The following BMX variants were observed in gnomAD, a reference collection of about 807,000 sequenced individuals.
BMX encodes cytoplasmic tyrosine-protein kinase BMX.
In BMX, 31 loss-of-function variants were observed where a neutral mutation model predicts 59.2. That is an observed-to-expected ratio of 0.52 (90% CI 0.39 to 0.71). The LOEUF is 0.71. Among genes scored for constraint, BMX ranks in the 30% least tolerant of loss-of-function variants. BMX has a pLI of 0.00. For synonymous variants in BMX, 185 were observed against 181.0 expected (o/e 1.02, Z -0.18); for missense variants, 474 against 491.7 (o/e 0.96, Z 0.34).
chrX:15,545,223 G>A (rs1362611703), intron 16 of BMX, among the ~76,000 whole-genome samples: 3 of 112,129 alleles, frequency 2.7e-5, no homozygotes, highest in Non-Finnish European at 5.6e-5. Flanking sequence ...CAGAGAGAGA[G>A]ACTGAGGCAA....
At chrX:15,552,122 A>G (rs763264222) in intron 18 of BMX, among the ~76,000 whole-genome samples, 16 of 112,242 alleles carry the variant, frequency 1.4e-4, no homozygotes, top group Non-Finnish European at 3.0e-4. Flanking sequence ...CTGTGTTATG[A>G]CTCAATATGG....
chrX:15,531,452 T>C, intron 11 of BMX, 45 bp downstream of exon 11: 1 of 1,007,133 alleles, frequency 9.9e-7, no homozygotes, highest in Non-Finnish European at 1.4e-6. Flanking sequence ...CTGCGTATAT[T>C]CTTTGAATAT....
At chrX:15,551,529 G>GTA (rs748545797) in intron 18 of BMX, among the ~76,000 whole-genome samples, 1,764 of 94,747 alleles carry the variant, frequency 0.019, 46 homozygotes, top group African/African-American at 0.062. Flanking sequence ...GTGTGTGTGT[G>GTA]TATATATATA....
rs139760120 is a variant in BMX, at chrX:15,539,990, A to G, written c.1395-1992A>G. ...GCTTTTACACTGTTGGTGGGAGTGT[A>G]AATTATTTCAACCACTGTGGAAGAC... is the stretch of plus-strand genomic sequence containing the variant. On this transcript the variant is annotated intron_variant, in intron 14 of 18. Transcript: ENST00000348343. 4.0e-3 allele frequency among the ~76,000 whole-genome samples: 445 copies of G among 112,437 alleles called. 2 individuals are homozygous for G. The highest frequency in any genetic ancestry group is 0.014 in the African/African-American group (425 of 30,964).
chrX:15,539,140 G>C (rs1925527500), intron 14 of BMX, among the ~76,000 whole-genome samples: 1 of 110,767 alleles, frequency 9.0e-6, no homozygotes, highest in Non-Finnish European at 1.9e-5. Flanking sequence ...TTGTAGGACA[G>C]GAAAATCTGG....
rs751005076 is a variant in BMX at position 15,546,849 on chromosome X, C to A, written c.1723C>A (p.Pro575Thr). The change falls in exon 17 of 19, where the codon CCA (proline) becomes ACA (threonine). Residue 575 changes from proline to threonine, a missense_variant. By Grantham distance (38) the Pro-to-Thr change is conservative. Coordinates refer to ENST00000348343, the MANE Select transcript of BMX (RefSeq NM_203281.3). ...TGTCAGTTCAGTCGGAACAAAGTTTCCAGTCAAGTGGTCAGCTCCAGAGGT... is the reference window on the plus strand; with the variant it reads ...TGTCAGTTCAGTCGGAACAAAGTTTACAGTCAAGTGGTCAGCTCCAGAGGT... ...QYVSSVGTKF[P>T]VKWSAPEVFH... 3.3e-6 allele frequency: 4 copies of A among 1,210,932 alleles called. No homozygotes were observed. In the Admixed American group the frequency reaches 8.7e-5, roughly 26 times the overall value.
chrX:15,527,247 AATATATATATATATATATATATAT>A (rs34046926), intron 9 of BMX, among the ~76,000 whole-genome samples: 12 of 56,362 alleles, frequency 2.1e-4, no homozygotes, highest in Non-Finnish European at 3.2e-4. Context: ...CACACACACA[AATATATATATATATATATATATAT>A]ATATATATAT....
intron 2 of BMX, 60 bp downstream of exon 2, chrX:15,508,551 A>G: frequency 1.1e-6 from 1 of 929,314 alleles, no homozygotes; most frequent in Non-Finnish European, 1.5e-6. Flanking sequence ...AAGTCTCCAC[A>G]AAGTACTTGA....
chrX:15,531,262 T>C, intron 10 of BMX, 66 bp from the exon 11 acceptor site: 1 of 969,039 alleles, frequency 1.0e-6, no homozygotes, highest in South Asian at 2.0e-5. Context: ...CTACCTACCA[T>C]GCAAAATCAT....
At chrX:15,526,638 T>G (rs1478781175) in intron 9 of BMX, among the ~76,000 whole-genome samples, 1 of 104,252 alleles carries the variant, frequency 9.6e-6, no homozygotes, top group African/African-American at 3.6e-5. Context: ...CAGGCTGGAG[T>G]GCAGTGGCAT....
intron 1 of BMX, among the ~76,000 whole-genome samples, chrX:15,503,376 G>C (rs192689823): frequency 1.8e-5 from 2 of 112,490 alleles, no homozygotes; most frequent in African/African-American, 3.2e-5. Flanking sequence ...CTCTTGCACT[G>C]GTCTGTTAAG....
At position 15,518,978 on chromosome X, in the gene BMX, G is replaced by A; in HGVS notation, c.510+985G>A. 4.5e-5 allele frequency among the ~76,000 whole-genome samples: 5 copies of A among 111,891 alleles called. No homozygotes were observed. In the South Asian group the frequency reaches 1.9e-3, roughly 42 times the overall value. On this transcript the variant is annotated intron_variant, in intron 6 of 18. Transcript: ENST00000348343. Reference sequence around the variant, plus strand: ...CAACTTTTTCCCAAGAGTGGAGTTGGCCTATAAGAAAACAAACAAAACCTT... The same window carrying A: ...CAACTTTTTCCCAAGAGTGGAGTTGACCTATAAGAAAACAAACAAAACCTT...
intron 12 of BMX, among the ~76,000 whole-genome samples, chrX:15,536,105 C>T (rs945985947): frequency 8.9e-6 from 1 of 112,134 alleles, no homozygotes; most frequent in African/African-American, 3.2e-5. Context: ...TTACATCATG[C>T]AATTAATTTC....
At chrX:15,536,501 G>GAA (rs1925353353) in intron 13 of BMX, 74 bp downstream of exon 13, 3 of 741,695 alleles carry the variant, frequency 4.0e-6, no homozygotes, top group African/African-American at 4.5e-5. Context: ...TAATTTACTG[G>GAA]CAAAAAAAAA....
At chrX:15,527,092 A>G (rs770679409) in intron 9 of BMX, among the ~76,000 whole-genome samples, 1 of 104,087 alleles carries the variant, frequency 9.6e-6, no homozygotes, top group South Asian at 4.3e-4. Flanking sequence ...GCATGTCTGT[A>G]TCAAAATATT....
chrX:15,523,506 A>AT (rs986155930), intron 7 of BMX, among the ~76,000 whole-genome samples: 1 of 111,685 alleles, frequency 9.0e-6, no homozygotes, highest in African/African-American at 3.3e-5. Flanking sequence ...GTTCTTCTTG[A>AT]TTTTTTTTCA....
rs753898597 is a variant in BMX at position 15,540,571 on chromosome X, T to TA, written c.1395-1400dup. Among the ~76,000 whole-genome samples the TA allele has an allele frequency of 1.0e-3, 105 of 100,344 alleles. 1 individual carries two copies. The highest frequency in any genetic ancestry group is 4.5e-3 in the Admixed American group (42 of 9,341). 87.1% of individuals were successfully genotyped at this position (100,344 alleles called of 115,157 possible). On this transcript the variant is annotated intron_variant, in intron 14 of 18. Transcript: ENST00000348343. ...ATGTATCCCAGAACTCAAAGTATAA[T>TA]AAAAAAAAAAATAAAATTTAAAAAT...
At chrX:15,536,318 AATG>A (rs771596250) in intron 12 of BMX, 32 bp from the exon 13 acceptor site, 9 of 1,178,885 alleles carry the variant, frequency 7.6e-6, no homozygotes, top group Admixed American at 2.2e-5. Flanking sequence ...GATATGATAT[AATG>A]ATGTGATGAT....
Position 15,556,230 on chromosome X carries a change from A to G in BMX, c.*83A>G, listed in dbSNP as rs773582681. 12 of 889,653 alleles carry G rather than the reference A, an allele frequency of 1.3e-5. No homozygotes were observed. Among genetic ancestry groups the G allele is most frequent in the Non-Finnish European group, 1.9e-5 (12 of 641,892 alleles). 73.3% of individuals were successfully genotyped at this position (889,653 alleles called of 1,213,427 possible). A position where few individuals can be genotyped will look rare whatever the true frequency, so the allele number is the denominator to read the frequency against. On this transcript the variant is annotated 3_prime_UTR_variant, in exon 19 of 19. Coordinates refer to ENST00000348343, the MANE Select transcript of BMX (RefSeq NM_203281.3). ...CATTTTAAGGAAAGTAGCAAGGCAT[A>G]ATGTAATTTAGCTAGTTTTTAATAG... is the stretch of plus-strand genomic sequence containing the variant.
Sources: gnomAD v4.1 joint callset for allele counts (sites outside exome capture counted in the v4.1 genomes callset) on GRCh38, gnomAD v4.1.1 for gene constraint, MANE v1.5 for transcripts, NCBI Gene and HGNC (gene_info 2026-07-23, HGNC 2026-07-21) for gene names.